The following WBP11 variants were observed in gnomAD, a reference collection of about 807,000 sequenced individuals.
The protein encoded by WBP11 is WW domain binding protein 11.
Under a neutral mutation model 66.7 loss-of-function variants are expected in WBP11, and 12 were observed. The ratio of observed to expected loss-of-function variants is 0.18; its 90% CI spans 0.12 to 0.29. The LOEUF (loss-of-function observed/expected upper bound fraction) is 0.29, where lower values mean the gene tolerates loss of function less well. WBP11 is among the 10% of genes least tolerant of loss of function. WBP11 has a pLI of 1.00. For missense variants in WBP11, 555 were observed against 818.3 expected, an observed-to-expected ratio of 0.68 and a Z score of 3.93; for synonymous variants, 255 against 273.8, an observed-to-expected ratio of 0.93 and a Z score of 0.68.
At chr12:14,797,845 T>C (rs530555615) in intron 4 of WBP11, among the ~76,000 whole-genome samples, 2 of 152,328 alleles carry the variant, frequency 1.3e-5, no homozygotes, top group East Asian at 3.9e-4. Flanking sequence ...TTCCACCTTC[T>C]ATCCCAAGGA....
intron 8 of WBP11, among the ~76,000 whole-genome samples, chr12:14,792,426 T>G (rs1949830934): frequency 6.6e-6 from 1 of 152,180 alleles, no homozygotes; most frequent in African/African-American, 2.4e-5. Flanking sequence ...CCTGTATCCT[T>G]AGTGCCTAGA....
chr12:14,794,385 G>C, intron 7 of WBP11, 152 bp downstream of exon 7: 2 of 880,186 alleles, frequency 2.3e-6, no homozygotes, highest in Admixed American at 4.0e-5. Context: ...TACTTGAGAA[G>C]ATCCTATGAT....
At position 14,786,882 on chromosome 12, in the gene WBP11, G is replaced by A. The variant is rs189314595; in HGVS notation, c.*183C>T. The A allele has an allele frequency of 4.4e-5, 28 of 638,004 alleles. No individual in the cohort carries two copies. The African/African-American group carries it at 4.6e-4, about 10-fold the overall frequency. The allele number at this position is 638,004 out of a possible 1,614,324, so 39.5% of individuals were successfully genotyped here. A position where few individuals can be genotyped will look rare whatever the true frequency, so the allele number is the denominator to read the frequency against. ...ACTGCTTCAATAACTGATCTATTCT[G>A]GATGAAATACCCTTTTTTATGTGCA... On this transcript the variant is annotated 3_prime_UTR_variant, in exon 12 of 12. Transcript: ENST00000261167.
chr12:14,786,881 TG>T lies in WBP11; in HGVS notation c.*183del, dbSNP rs1949760025. The T allele has an allele frequency of 6.3e-6, 4 of 634,148 alleles. No individual in the cohort carries two copies. Among genetic ancestry groups the T allele is most frequent in the Non-Finnish European group, 1.1e-5 (4 of 373,764 alleles). 39.3% of individuals were successfully genotyped at this position (634,148 alleles called of 1,614,324 possible). On this transcript the variant is annotated 3_prime_UTR_variant, in exon 12 of 12. Transcript: ENST00000261167. ...CACTGCTTCAATAACTGATCTATTC[TG>T]GATGAAATACCCTTTTTTATGTGCA... is the stretch of plus-strand genomic sequence containing the variant.
chr12:14,796,768 A>C lies in WBP11; in HGVS notation c.387+39T>G. 1 of 1,558,568 alleles carries C rather than the reference A, an allele frequency of 6.4e-7. No individual in the cohort carries two copies. Among genetic ancestry groups the C allele is most frequent in the Admixed American group, 2.1e-5 (1 of 47,138 alleles). On this transcript the variant is annotated intron_variant, in intron 5 of 11. Transcript: ENST00000261167. The surrounding 1 kb of genome is among the most constrained non-coding windows in gnomAD (Gnocchi z 4.5). ...GCATAAGGGATACTCAATCTGTATA[A>C]TATTTTAGTTTATCTCTCAAAAAAA...
intron 11 of WBP11, among the ~76,000 whole-genome samples, chr12:14,788,268 G>C (rs1460237547): frequency 6.6e-6 from 1 of 152,084 alleles, no homozygotes; most frequent in Non-Finnish European, 1.5e-5. Flanking sequence ...CATGGAGTAA[G>C]AGAATGCAAC....
rs1253700850 is a variant in WBP11 at position 14,796,745 on chromosome 12, A to G, written c.387+62T>C. 3 of 1,481,052 alleles carry G rather than the reference A, an allele frequency of 2.0e-6. No individual in the cohort carries two copies. Among genetic ancestry groups the G allele is most frequent in the East Asian group, 2.4e-5 (1 of 42,302 alleles). 91.7% of individuals were successfully genotyped at this position (1,481,052 alleles called of 1,614,324 possible). ...ACACTTCTGGTCCCAAGCACTTTGC[A>G]TAAGGGATACTCAATCTGTATAATA... On this transcript the variant is annotated intron_variant, in intron 5 of 11. Transcript: ENST00000261167. This position sits in a 1 kb window ranked among gnomAD's most constrained non-coding sequence, Gnocchi z 4.5.
At position 14,800,737 on chromosome 12, in the gene WBP11, C is replaced by G; in HGVS notation, c.96+15G>C. The G allele has an allele frequency of 1.9e-6, 3 of 1,600,394 alleles. No individual in the cohort carries two copies. The highest frequency in any genetic ancestry group is 2.6e-6 in the Non-Finnish European group (3 of 1,171,812). ...ACAATACTTAAAGTTTTATAAGATGCCTCTAAAATCATACCTTCTTTAATT... is the reference window on the plus strand; with the variant it reads ...ACAATACTTAAAGTTTTATAAGATGGCTCTAAAATCATACCTTCTTTAATT... On this transcript the variant is annotated intron_variant, in intron 3 of 11. Transcript: ENST00000261167.
intron 4 of WBP11, 56 bp from the exon 5 acceptor site, chr12:14,797,059 T>C: frequency 9.0e-6 from 13 of 1,439,644 alleles, no homozygotes; most frequent in Non-Finnish European, 1.2e-5. Flanking sequence ...CAATTAGGTA[T>C]CAATAGGTTA....
chr12:14,790,221 CTG>C (rs777866294), intron 10 of WBP11, among the ~76,000 whole-genome samples: 1 of 152,218 alleles, frequency 6.6e-6, no homozygotes, highest in Non-Finnish European at 1.5e-5. Context: ...ATAAGAAAAA[CTG>C]TGAAAACAAG....
chr12:14,795,926 T>C (rs1592220548), intron 5 of WBP11, among the ~76,000 whole-genome samples: 1 of 149,790 alleles, frequency 6.7e-6, no homozygotes, highest in East Asian at 1.9e-4. Flanking sequence ...ACAGAAATTA[T>C]AGCATTTGAT....
chr12:14,795,773 A>T (rs1949886857), intron 5 of WBP11, among the ~76,000 whole-genome samples: 1 of 152,056 alleles, frequency 6.6e-6, no homozygotes, highest in Non-Finnish European at 1.5e-5. Context: ...ATATATGTCA[A>T]CTAACAAATA....
chr12:14,802,746 G>T (rs1051911414), intron 1 of WBP11, among the ~76,000 whole-genome samples: 1 of 152,012 alleles, frequency 6.6e-6, no homozygotes, highest in African/African-American at 2.4e-5. Context: ...AGGGAAGGAG[G>T]AAAACAAGCA....
chr12:14,792,750 T>G (rs1030747603), intron 8 of WBP11, among the ~76,000 whole-genome samples: 2 of 151,654 alleles, frequency 1.3e-5, no homozygotes, highest in Non-Finnish European at 2.9e-5. Context: ...GGAGAATCGC[T>G]TGAACCTAGG....
chr12:14,803,476 C>G lies in WBP11; in HGVS notation c.-170G>C, dbSNP rs917298676. On this transcript the variant is annotated 5_prime_UTR_variant, in exon 1 of 12. Transcript: ENST00000261167. ...CTCAGCTACCGCCATCTTGAAACCT[C>G]GCGCCCCTCCGCACTCCTCACGTCA... 5.0e-5 allele frequency: 20 copies of G among 398,768 alleles called. No individual in the cohort carries two copies. The South Asian group carries it at 1.3e-3, about 25-fold the overall frequency. The allele number at this position is 398,768 out of a possible 1,614,324, so 24.7% of individuals were successfully genotyped here.
At position 14,794,994 on chromosome 12, in the gene WBP11, G is replaced by A; in HGVS notation, c.498C>T (p.Ile166=). 1 of 1,612,306 alleles carries A rather than the reference G, an allele frequency of 6.2e-7. No individual in the cohort carries two copies. The highest frequency in any genetic ancestry group is 8.5e-7 in the Non-Finnish European group (1 of 1,180,010). Residue 166 remains isoleucine, a synonymous_variant, in exon 6 of 12, where the codon ATC becomes ATT. Coordinates refer to ENST00000261167, the MANE Select transcript of WBP11 (RefSeq NM_016312.3). ...ACCCATAGGCTGAGGTTTTCTTTAG[G>A]ATAGAGGGTGGCTGGGCACCAGGAA... is the stretch of plus-strand genomic sequence containing the variant. The part of the protein sequence containing the change: ...IPLPGAQPPS[I]LKKTSAYGPP...
At chr12:14,790,419 C>A in intron 10 of WBP11, 37 bp downstream of exon 10, 1 of 1,594,434 alleles carries the variant, frequency 6.3e-7, no homozygotes, top group African/African-American at 1.3e-5. Context: ...TCATTCTAAC[C>A]TCATTTAAAC....
At position 14,795,048 on chromosome 12, in the gene WBP11, A is replaced by G; in HGVS notation, c.444T>C (p.Pro148=). 1 of 1,613,162 alleles carries G rather than the reference A, an allele frequency of 6.2e-7. No individual in the cohort carries two copies. Among genetic ancestry groups the G allele is most frequent in the Non-Finnish European group, 8.5e-7 (1 of 1,179,992 alleles). The stretch of plus-strand genomic sequence containing the variant: ...GAATGTCCTGGATCAAAATGTTGGA[A>G]GGAGCATGTGGCATATCTGGCAAAG... ...SIPLPDMPHA[P]SNILIQDIPL... Residue 148 remains proline (P), a synonymous_variant, in exon 6 of 12, where the codon CCT becomes CCC. Transcript: ENST00000261167.
chr12:14,793,293 T>C (rs1004783136), intron 8 of WBP11, among the ~76,000 whole-genome samples: 1 of 152,182 alleles, frequency 6.6e-6, no homozygotes, highest in African/African-American at 2.4e-5. Flanking sequence ...TGTTTCATGA[T>C]TCCACTCATG....
Sources: gnomAD v4.1 joint callset for allele counts (sites outside exome capture counted in the v4.1 genomes callset) on GRCh38, gnomAD v4.1.1 for gene constraint, Gnocchi (gnomAD v3.1) non-coding constraint, MANE v1.5 for transcripts, NCBI Gene and HGNC (gene_info 2026-07-23, HGNC 2026-07-21) for gene names.